Variants in KIF1A observed in about 807,000 individuals in gnomAD.
The protein encoded by KIF1A is kinesin-like protein KIF1A.
In KIF1A, 46 loss-of-function variants were observed where a neutral mutation model predicts 227.3. The observed-to-expected ratio is 0.20, with a 90% confidence interval of 0.16 to 0.26. The LOEUF is 0.26. Among genes scored for constraint, KIF1A ranks in the 10% least tolerant of loss-of-function variants. The probability of loss-of-function intolerance (pLI) is 1.00; values close to 1 mark genes in which losing one functional copy is unlikely to be tolerated. For missense variants in KIF1A, 1,683 were observed against 2,485.9 expected (o/e 0.68, Z 6.87); for synonymous variants, 1,022 against 1,012.8 (o/e 1.01, Z -0.17).
At chr2:240,746,879 C>T (rs2048665274) in intron 29 of KIF1A, among the ~76,000 whole-genome samples, 1 of 152,198 alleles carries the variant, frequency 6.6e-6, no homozygotes, top group Admixed American at 6.5e-5. Flanking sequence ...TGGGAACGCG[C>T]CGTACTGTGG....
rs1183597538 is a variant in KIF1A at position 240,717,921 on chromosome 2, G to A, written c.5333+129C>T. 4.2e-6 allele frequency: 3 copies of A among 707,142 alleles called. No homozygotes were observed. In the East Asian group the frequency reaches 8.2e-5, roughly 19 times the overall value. The allele number at this position is 707,142 out of a possible 1,614,324, so 43.8% of individuals were successfully genotyped here. The stretch of plus-strand genomic sequence containing the variant: ...CCTACTGAATGGTCCCCGCCAGGAG[G>A]GGATTGAGGGCAGGACCCCTGGGAG... On this transcript the variant is annotated intron_variant, in intron 48 of 48. Coordinates refer to ENST00000498729, the MANE Select transcript of KIF1A (RefSeq NM_001244008.2).
upstream of KIF1A, chr2:240,820,433 G>T (rs919130218): frequency 2.0e-5 from 3 of 150,888 alleles, no homozygotes; most frequent in Non-Finnish European, 4.4e-5. The surrounding 1 kb of genome is among the most constrained non-coding windows in gnomAD (Gnocchi z 6.2). Flanking sequence ...ACACCGCGGC[G>T]GGCCCCGCGG....
chr2:240,717,290 G>A lies in KIF1A; in HGVS notation c.*74C>T, dbSNP rs911369171. The A allele has an allele frequency of 1.7e-5, 24 of 1,407,954 alleles. No homozygotes were observed. The highest frequency in any genetic ancestry group is 2.8e-5 in the African/African-American group (2 of 70,986). The allele number at this position is 1,407,954 out of a possible 1,614,324, so 87.2% of individuals were successfully genotyped here. On this transcript the variant is annotated 3_prime_UTR_variant, in exon 49 of 49. Transcript: ENST00000498729. ...CTGTCTGGCAGGAGAGGGGCTGGGC[G>A]GCAGGTGACAGGACAGACGAGGATG...
chr2:240,730,001 G>A (rs143044112), intron 38 of KIF1A, among the ~76,000 whole-genome samples: 248 of 152,316 alleles, frequency 1.6e-3, no homozygotes, highest in African/African-American at 5.1e-3. Context: ...TAAATGCCTC[G>A]CAACCAGCCC....
chr2:240,741,343 G>A lies in KIF1A; in HGVS notation c.3675C>T (p.Pro1225=). The A allele has an allele frequency of 6.3e-7, 1 of 1,590,630 alleles. No individual in the cohort carries two copies. The highest frequency in any genetic ancestry group is 1.3e-5 in the African/African-American group (1 of 74,786). ...PATKLSTLTR[P]CPGPCHCKYD... ...ACTTGCAGTGGCAGGGTCCCGGACA[G>A]GGCCGCGTCAGTGTGCTGAGCTTGG... Residue 1225 remains proline (P), a synonymous_variant, in exon 35 of 49, where the codon CCC becomes CCT. Transcript: ENST00000498729.
Position 240,765,764 on chromosome 2 carries a change from C to T in KIF1A, c.1714G>A (p.Ala572Thr). 1 of 1,613,550 alleles carries T rather than the reference C, an allele frequency of 6.2e-7. No individual in the cohort carries two copies. The highest frequency in any genetic ancestry group is 1.1e-5 in the South Asian group (1 of 91,066). ...TTCTTGCCATTGACGTAGGTGTCTG[C>T]CCCCTCACAGGGCTCCAAGGTCACC... ...AVVTLEPCEG[A>T]DTYVNGKKVT... Residue 572 changes from alanine to threonine, a missense_variant, in exon 20 of 49, where the codon GCA (alanine) becomes ACA (threonine). This residue lies in a region of KIF1A where 217 missense variants were observed against 427.0 expected (regional missense o/e 0.51). Transcript: ENST00000498729.
At chr2:240,734,111 G>A (rs148032603) in intron 38 of KIF1A, among the ~76,000 whole-genome samples, 4 of 152,244 alleles carry the variant, frequency 2.6e-5, no homozygotes, top group Non-Finnish European at 5.9e-5. Flanking sequence ...CGGTGGCCAC[G>A]GCCAGAGGAG....
chr2:240,785,146 G>A (rs553956133), intron 6 of KIF1A, 46 bp from the exon 7 acceptor site: 18 of 1,508,852 alleles, frequency 1.2e-5, no homozygotes, highest in African/African-American at 4.1e-5. Context: ...TCCTGTGGCC[G>A]GGTGCGAGAT....
chr2:240,790,774 A>C lies in KIF1A; in HGVS notation c.107-1462T>G, dbSNP rs1239836257. On this transcript the variant is annotated intron_variant, in intron 2 of 48. Transcript: ENST00000498729. This position sits in a 1 kb window ranked among gnomAD's most constrained non-coding sequence, Gnocchi z 5.0. ...GAGATCAGGGTGATGACAAGCTAGGAACACCAGAAGCAGCCGGCAAGCCCC... is the reference window on the plus strand; with the variant it reads ...GAGATCAGGGTGATGACAAGCTAGGCACACCAGAAGCAGCCGGCAAGCCCC... 1.3e-5 allele frequency among the ~76,000 whole-genome samples: 2 copies of C among 152,052 alleles called. No individual in the cohort carries two copies. The highest frequency in any genetic ancestry group is 6.5e-5 in the Admixed American group (1 of 15,270).
chr2:240,728,446 A>G lies in KIF1A; in HGVS notation c.4008-1506T>C, dbSNP rs941301550. ...GGAGGCAGCCAGGACACACACGTAC[A>G]CATACAGAAGAAATGGAGATGTCAG... On this transcript the variant is annotated intron_variant, in intron 38 of 48. Transcript: ENST00000498729. 5 of 1,282,670 alleles carry G rather than the reference A, an allele frequency of 3.9e-6. No individual in the cohort carries two copies. The African/African-American group carries it at 7.6e-5, about 20-fold the overall frequency. The allele number at this position is 1,282,670 out of a possible 1,614,324, so 79.5% of individuals were successfully genotyped here.
At chr2:240,783,923 C>T (rs1181795950) in intron 7 of KIF1A, 107 bp from the exon 8 acceptor site, 3 of 866,496 alleles carry the variant, frequency 3.5e-6, no homozygotes, top group Non-Finnish European at 5.7e-6. Context: ...CCTGGCCAAG[C>T]GTCCCCTCTG....
rs1015535283 is a variant in KIF1A at position 240,742,707 on chromosome 2, C to T, written c.3640+222G>A. On this transcript the variant is annotated intron_variant, in intron 34 of 48. Transcript: ENST00000498729. Reference sequence around the variant, plus strand: ...CTTGCTGCCTTCCTTCCTTGGCTCCCCACACCTCTGCCACCAGCTCCAGGC... The same window carrying T: ...CTTGCTGCCTTCCTTCCTTGGCTCCTCACACCTCTGCCACCAGCTCCAGGC... 6.6e-5 allele frequency among the ~76,000 whole-genome samples: 10 copies of T among 152,288 alleles called. No homozygotes were observed. The Middle Eastern group carries it at 0.02, about 311-fold the overall frequency.
rs1450023893 is a variant in KIF1A, at chr2:240,726,195, G to A, written c.4122+631C>T. 6.6e-6 allele frequency among the ~76,000 whole-genome samples: 1 copy of A among 152,216 alleles called. No homozygotes were observed. The highest frequency in any genetic ancestry group is 2.4e-5 in the African/African-American group (1 of 41,448). ...AGACTCTGGGGGTGCTGTGGGGATGGAACACTTCTGTTTTTGTGCTGCCCG... is the reference window on the plus strand; with the variant it reads ...AGACTCTGGGGGTGCTGTGGGGATGAAACACTTCTGTTTTTGTGCTGCCCG... On this transcript the variant is annotated intron_variant, in intron 39 of 48. Coordinates refer to ENST00000498729, the MANE Select transcript of KIF1A (RefSeq NM_001244008.2). The surrounding 1 kb of genome is among the most constrained non-coding windows in gnomAD (Gnocchi z 5.2).
intron 38 of KIF1A, chr2:240,734,693 G>A (rs746453608): frequency 2.3e-6 from 3 of 1,303,498 alleles, no homozygotes; most frequent in Non-Finnish European, 3.0e-6. Flanking sequence ...TGAAACCAAG[G>A]GTAAACCAAG....
intron 1 of KIF1A, among the ~76,000 whole-genome samples, chr2:240,805,002 GAGA>G (rs1254282725): frequency 1.4e-5 from 2 of 145,724 alleles, no homozygotes; most frequent in Non-Finnish European, 3.0e-5. Flanking sequence ...AAGGAGAGGA[GAGA>G]AGAAGGAAAG....
intron 38 of KIF1A, among the ~76,000 whole-genome samples, chr2:240,729,762 G>A (rs2046401871): frequency 6.6e-6 from 1 of 152,248 alleles, no homozygotes; most frequent in Non-Finnish European, 1.5e-5. Context: ...CCTGACTGTG[G>A]TGGAGTCTCA....
intron 47 of KIF1A, among the ~76,000 whole-genome samples, chr2:240,718,486 C>T (rs533142479): frequency 6.6e-6 from 1 of 152,234 alleles, no homozygotes; most frequent in Non-Finnish European, 1.5e-5. Context: ...CCACCCACTC[C>T]CACCACAGGG....
chr2:240,786,829 T>TAGGGGCCACCATCAGGACCCCTGAGTGA, intron 5 of KIF1A, among the ~76,000 whole-genome samples: 1 of 148,822 alleles, frequency 6.7e-6, no homozygotes, highest in African/African-American at 2.6e-5. Flanking sequence ...AGTGAGAGGG[T>TAGGGGCCACCATCAGGACCCCTGAGTGA]GGGGGCTGCC....
chr2:240,781,762 C>T (rs970795153), intron 10 of KIF1A: 1 of 985,202 alleles, frequency 1.0e-6, no homozygotes, highest in Non-Finnish European at 1.2e-6. Flanking sequence ...ACACAGTTCC[C>T]CACAGGGGCC....
Sources: allele counts gnomAD v4.1 joint callset (sites outside exome capture counted in the v4.1 genomes callset), GRCh38; gene constraint gnomAD v4.1.1; regional missense constraint gnomAD v4.1.1; non-coding constraint Gnocchi (gnomAD v3.1); transcripts MANE v1.5; gene names NCBI Gene and HGNC (gene_info 2026-07-23, HGNC 2026-07-21).